The following FOXO3B variants were observed in gnomAD, a reference collection of about 807,000 sequenced individuals.
The protein encoded by FOXO3B is forkhead box protein O3B.
Under a neutral mutation model 21.9 loss-of-function variants are expected in FOXO3B, and 15 were observed. That is an observed-to-expected ratio of 0.68 (90% CI 0.46 to 1.05). The LOEUF is 1.05. Among genes scored for constraint, FOXO3B ranks in the 50% least tolerant of loss-of-function variants. FOXO3B has a pLI of 0.00. For synonymous variants in FOXO3B, 135 were observed against 213.6 expected, an observed-to-expected ratio of 0.63 and a Z score of 3.21; for missense variants, 293 against 435.5, an observed-to-expected ratio of 0.67 and a Z score of 2.91.
Position 18,671,721 on chromosome 17 carries a change from G to T in FOXO3B, c.*588C>A. 1.2e-6 allele frequency: 2 copies of T among 1,613,748 alleles called. No individual in the cohort carries two copies. The highest frequency in any genetic ancestry group is 1.7e-6 in the Non-Finnish European group (2 of 1,179,962). ...CCGCTGCATGAGTCCCCCAGTGGGC[G>T]ATGGCTGGGATGGCGGGAGCGTGAT... On this transcript the variant is annotated 3_prime_UTR_variant, in exon 4 of 4. Coordinates refer to ENST00000395675, the MANE Select transcript of FOXO3B (RefSeq NM_001368135.1).
intron 2 of FOXO3B, 28 bp from the exon 3 acceptor site, chr17:18,680,857 G>A (rs1175452398): frequency 6.4e-7 from 1 of 1,570,866 alleles, no homozygotes; most frequent in Non-Finnish European, 8.7e-7. Context: ...GTAATGATGA[G>A]ACCTAGGCTT....
At chr17:18,674,540 G>A (rs2032446450) in intron 3 of FOXO3B, among the ~76,000 whole-genome samples, 1 of 149,648 alleles carries the variant, frequency 6.7e-6, no homozygotes, top group Non-Finnish European at 1.5e-5. Flanking sequence ...GCAGGAGAAT[G>A]GCGTGAACCC....
chr17:18,677,991 C>A (rs2032525609), intron 3 of FOXO3B, among the ~76,000 whole-genome samples: 1 of 150,348 alleles, frequency 6.7e-6, no homozygotes, highest in South Asian at 2.1e-4. Flanking sequence ...TAAGTAGCCC[C>A]TAAGTAGAAA....
At chr17:18,680,966 T>C in intron 2 of FOXO3B, 137 bp from the exon 3 acceptor site, 1 of 642,494 alleles carries the variant, frequency 1.6e-6, no homozygotes, top group Non-Finnish European at 2.8e-6. Flanking sequence ...ACAACCGACC[T>C]CCTCCCAGGA....
chr17:18,671,945 T>C lies in FOXO3B; in HGVS notation c.*364A>G, dbSNP rs2032374953. ...ACTTCATCCAACTCTGTGCTTGCCATGATGGGCGACAGGCGGCCACTGACT... is the reference window on the plus strand; with the variant it reads ...ACTTCATCCAACTCTGTGCTTGCCACGATGGGCGACAGGCGGCCACTGACT... On this transcript the variant is annotated 3_prime_UTR_variant, in exon 4 of 4. Coordinates refer to ENST00000395675, the MANE Select transcript of FOXO3B (RefSeq NM_001368135.1). 1 of 1,613,618 alleles carries C rather than the reference T, an allele frequency of 6.2e-7. No individual in the cohort carries two copies. Among genetic ancestry groups the C allele is most frequent in the Non-Finnish European group, 8.5e-7 (1 of 1,179,780 alleles).
chr17:18,677,253 T>C (rs2032504864), intron 3 of FOXO3B: 5 of 1,606,068 alleles, frequency 3.1e-6, no homozygotes, highest in Non-Finnish European at 4.3e-6. Flanking sequence ...TCTACTTGTA[T>C]GTATACAAGG....
chr17:18,677,402 G>A, intron 3 of FOXO3B: 3 of 1,614,086 alleles, frequency 1.9e-6, no homozygotes, highest in East Asian at 2.2e-5. Flanking sequence ...GGGACTGGAC[G>A]GCTGAGCTGG....
chr17:18,671,959 C>A lies in FOXO3B; in HGVS notation c.*350G>T, dbSNP rs776789723. The A allele has an allele frequency of 9.9e-6, 16 of 1,613,304 alleles. No individual in the cohort carries two copies. Among genetic ancestry groups the A allele is most frequent in the Non-Finnish European group, 1.4e-5 (16 of 1,179,640 alleles). ...TGTGCTTGCCATGATGGGCGACAGGCGGCCACTGACTGTGCTGGCGTTAGA... is the reference window on the plus strand; with the variant it reads ...TGTGCTTGCCATGATGGGCGACAGGAGGCCACTGACTGTGCTGGCGTTAGA... On this transcript the variant is annotated 3_prime_UTR_variant, in exon 4 of 4. Coordinates refer to ENST00000395675, the MANE Select transcript of FOXO3B (RefSeq NM_001368135.1).
rs1489319860 is a variant in FOXO3B, at chr17:18,671,894, G to A, written c.*415C>T. On this transcript the variant is annotated 3_prime_UTR_variant, in exon 4 of 4. Transcript: ENST00000395675. ...CTCGCTGAGCTGCTGTAGAGCATGGGCGAGAGAGGCGCATCGTCGTCCTGG... is the reference window on the plus strand; with the variant it reads ...CTCGCTGAGCTGCTGTAGAGCATGGACGAGAGAGGCGCATCGTCGTCCTGG... The A allele has an allele frequency of 3.7e-6, 6 of 1,613,400 alleles. No homozygotes were observed. The highest frequency in any genetic ancestry group is 3.3e-5 in the Admixed American group (2 of 59,986).
chr17:18,673,454 G>C lies in FOXO3B; in HGVS notation c.127-399C>G, dbSNP rs562625064. 3.9e-5 allele frequency among the ~76,000 whole-genome samples: 6 copies of C among 152,160 alleles called. No individual in the cohort carries two copies. In the East Asian group the frequency reaches 1.2e-3, roughly 29 times the overall value. On this transcript the variant is annotated intron_variant, in intron 3 of 3. Transcript: ENST00000395675. ...TTAGCTAATAGCTTGAAATTTTTCT[G>C]TTTTAACTTGTAGTATAGTAACTAT...
Position 18,668,484 on chromosome 17 carries a change from G to A in FOXO3B, c.*3825C>T, listed in dbSNP as rs529908498. 8.1e-4 allele frequency: 124 copies of A among 152,730 alleles called. No individual in the cohort carries two copies. The highest frequency in any genetic ancestry group is 2.6e-3 in the African/African-American group (109 of 41,560). 9.5% of individuals were successfully genotyped at this position (152,730 alleles called of 1,614,324 possible). ...AACGCTAGAAAAGGAGAATAAATGA[G>A]ATACCACATGTCTGAAAAGAATTCA... On this transcript the variant is annotated 3_prime_UTR_variant, in exon 4 of 4. Transcript: ENST00000395675.
intron 3 of FOXO3B, among the ~76,000 whole-genome samples, chr17:18,675,778 CA>C (rs1323956022): frequency 5.3e-5 from 8 of 152,092 alleles, no homozygotes; most frequent in Admixed American, 1.3e-4. Context: ...CGGAAAAAGA[CA>C]AAATTAGTTT....
intron 3 of FOXO3B, chr17:18,677,223 C>T: frequency 1.3e-6 from 2 of 1,526,036 alleles, no homozygotes; most frequent in Non-Finnish European, 1.8e-6. Context: ...GAGTATGTAT[C>T]TATCCTCTGA....
chr17:18,677,173 A>C, intron 3 of FOXO3B: 2 of 1,129,710 alleles, frequency 1.8e-6, no homozygotes, highest in Non-Finnish European at 2.5e-6. Flanking sequence ...TAATTGGTAC[A>C]ATGACTCTAG....
rs1367266562 is a variant in FOXO3B at position 18,669,448 on chromosome 17, T to A, written c.*2861A>T. On this transcript the variant is annotated 3_prime_UTR_variant, in exon 4 of 4. Coordinates refer to ENST00000395675, the MANE Select transcript of FOXO3B (RefSeq NM_001368135.1). ...AGAAAAGAGTCTTCATATATCACTT[T>A]GGAGAAGTATGCATATGCTGTGCTA... 1.3e-5 allele frequency: 2 copies of A among 152,484 alleles called. No homozygotes were observed. The highest frequency in any genetic ancestry group is 1.3e-4 in the Admixed American group (2 of 15,278). The allele number at this position is 152,484 out of a possible 1,614,324, so 9.4% of individuals were successfully genotyped here. A position where few individuals can be genotyped will look rare whatever the true frequency, so the allele number is the denominator to read the frequency against.
intron 3 of FOXO3B, among the ~76,000 whole-genome samples, chr17:18,678,259 G>GT (rs1303655572): frequency 1.2e-4 from 18 of 152,178 alleles, no homozygotes; most frequent in South Asian, 2.1e-4. Context: ...TTATAAAAAG[G>GT]TTTTTTTAAA....
intron 1 of FOXO3B, 161 bp from the exon 2 acceptor site, chr17:18,682,007 C>G: frequency 1.6e-6 from 1 of 606,388 alleles, no homozygotes; most frequent in South Asian, 1.9e-5. Context: ...CCCAGGACCC[C>G]GCGACCACCC....
rs1567890224 is a variant in FOXO3B, at chr17:18,673,006, T to C, written c.176A>G (p.His59Arg). 1.4e-6 allele frequency: 2 copies of C among 1,466,052 alleles called. No homozygotes were observed. Among genetic ancestry groups the C allele is most frequent in the Non-Finnish European group, 1.8e-6 (2 of 1,115,866 alleles). The allele number at this position is 1,466,052 out of a possible 1,614,324, so 90.8% of individuals were successfully genotyped here. Residue 59 changes from histidine to arginine, a missense_variant, in exon 4 of 4, where the codon CAC (histidine) becomes CGC (arginine). His to Arg is a conservative substitution (Grantham distance 29). Transcript: ENST00000395675. ...APGSRSLRGV[H>R]VPPPLHPAPA... ...GGCGGGGTGCAGCGGGGGAGGGACG[T>C]GGACGCCGCGAAGGCTCCGGCTCCC...
chr17:18,678,644 T>A (rs1379427703), intron 3 of FOXO3B, among the ~76,000 whole-genome samples: 1 of 151,948 alleles, frequency 6.6e-6, no homozygotes, highest in Non-Finnish European at 1.5e-5. Context: ...AAGAGAGTTT[T>A]AAAAATTTTC....
Sources: allele counts gnomAD v4.1 joint callset (sites outside exome capture counted in the v4.1 genomes callset), GRCh38; gene constraint gnomAD v4.1.1; transcripts MANE v1.5; gene names NCBI Gene and HGNC (gene_info 2026-07-23, HGNC 2026-07-21).